The following NPL variants were observed in gnomAD, a reference collection of about 807,000 sequenced individuals.
NPL encodes the protein N-acetylneuraminate lyase.
A neutral mutation model predicts 41.1 loss-of-function variants in NPL; 32 were observed. That is an observed-to-expected ratio of 0.78 (90% CI 0.59 to 1.05). The LOEUF is 1.05. NPL is among the 50% of genes least tolerant of loss of function. NPL has a pLI of 0.00. For synonymous variants in NPL, 128 were observed against 134.9 expected (o/e 0.95, Z 0.35); for missense variants, 321 against 378.4 (o/e 0.85, Z 1.26).
intron 6 of NPL, among the ~76,000 whole-genome samples, chr1:182,813,643 G>A (rs910953389): frequency 1.3e-5 from 2 of 152,220 alleles, no homozygotes; most frequent in African/African-American, 4.8e-5. Context: ...CACCCGAATA[G>A]TATAGAGGTA....
Position 182,829,360 on chromosome 1 carries a change from A to G in NPL, c.*452A>G. 7.9e-7 allele frequency: 1 copy of G among 1,267,536 alleles called. No homozygotes were observed. Among genetic ancestry groups the G allele is most frequent in the Non-Finnish European group, 1.0e-6 (1 of 1,004,482 alleles). The allele number at this position is 1,267,536 out of a possible 1,614,324, so 78.5% of individuals were successfully genotyped here. A position where few individuals can be genotyped will look rare whatever the true frequency, so the allele number is the denominator to read the frequency against. ...GCATTTAGGCAGGCACTTTAATACCAAACTGTAACATGTCTCAACTGTATA... is the reference window on the plus strand; with the variant it reads ...GCATTTAGGCAGGCACTTTAATACCGAACTGTAACATGTCTCAACTGTATA... On this transcript the variant is annotated 3_prime_UTR_variant, in exon 13 of 13. Coordinates refer to ENST00000367553, the MANE Select transcript of NPL (RefSeq NM_030769.3).
intron 6 of NPL, among the ~76,000 whole-genome samples, chr1:182,812,533 G>A (rs1667206681): frequency 6.6e-6 from 1 of 152,170 alleles, no homozygotes; most frequent in South Asian, 2.1e-4. Flanking sequence ...AGAAGGCAGT[G>A]CCATCTGCAG....
chr1:182,822,098 T>C lies in NPL; in HGVS notation c.654-17T>C. ...GTTGAGTTATTGAACCTGCAGTATTTGTTATTGTCTTGCCAGTACCTATAA... is the reference window on the plus strand; with the variant it reads ...GTTGAGTTATTGAACCTGCAGTATTCGTTATTGTCTTGCCAGTACCTATAA... On this transcript the variant is annotated splice_polypyrimidine_tract_variant and intron_variant, in intron 10 of 12. Coordinates refer to ENST00000367553, the MANE Select transcript of NPL (RefSeq NM_030769.3). 2 of 1,552,076 alleles carry C rather than the reference T, an allele frequency of 1.3e-6. No homozygotes were observed. Among genetic ancestry groups the C allele is most frequent in the Non-Finnish European group, 1.8e-6 (2 of 1,123,548 alleles).
At chr1:182,814,896 G>A (rs766785638) in intron 7 of NPL, 38 bp downstream of exon 7, 3 of 1,482,268 alleles carry the variant, frequency 2.0e-6, no homozygotes, top group East Asian at 2.3e-5. Context: ...ATCTCACATG[G>A]TCCACTTCTT....
chr1:182,795,729 G>T (rs1446643369), intron 3 of NPL: 1 of 152,082 alleles, frequency 6.6e-6, no homozygotes, highest in East Asian at 1.9e-4. Context: ...CTTTCCACAA[G>T]TTTTAAGAAA....
rs114638970 is a variant in NPL at position 182,807,418 on chromosome 1, G to C, written c.230+1186G>C. Among the ~76,000 whole-genome samples, 677 of 152,270 alleles carry C rather than the reference G, an allele frequency of 4.4e-3. 10 individuals carry two copies. The highest frequency in any genetic ancestry group is 0.015 in the African/African-American group (640 of 41,550). ...ACCTTGGGAATCCTTAATGGCTTCA[G>C]GGCAGCTCCAGTACTCTGAAATTAT... On this transcript the variant is annotated intron_variant, in intron 5 of 12. Coordinates refer to ENST00000367553, the MANE Select transcript of NPL (RefSeq NM_030769.3).
intron 10 of NPL, among the ~76,000 whole-genome samples, chr1:182,820,882 C>T (rs770672259): frequency 8.5e-5 from 13 of 152,294 alleles, no homozygotes; most frequent in South Asian, 2.1e-4. Flanking sequence ...ACCATATCAC[C>T]ATTAAACCTT....
intron 3 of NPL, among the ~76,000 whole-genome samples, chr1:182,800,140 CA>C (rs1176575742): frequency 6.6e-6 from 1 of 151,944 alleles, no homozygotes; most frequent in Non-Finnish European, 1.5e-5. Flanking sequence ...GGTGGGAAAA[CA>C]AGTGAAGGGA....
intron 5 of NPL, among the ~76,000 whole-genome samples, chr1:182,810,161 A>G (rs533201625): frequency 2.0e-5 from 3 of 152,172 alleles, no homozygotes; most frequent in Non-Finnish European, 4.4e-5. Flanking sequence ...GTGTTATTCA[A>G]GGTCCTTCAG....
Position 182,829,719 on chromosome 1 carries a change from C to T in NPL, c.*811C>T, listed in dbSNP as rs148028376. The T allele has an allele frequency of 2.1e-4, 266 of 1,256,042 alleles. 1 individual carries two copies. The African/African-American group carries it at 2.8e-3, about 13-fold the overall frequency. 77.8% of individuals were successfully genotyped at this position (1,256,042 alleles called of 1,614,324 possible). Reference sequence around the variant, plus strand: ...CCGCAGGACCCTGAATTATTGAAATCGAAGGCTGACTTCCTTTCTGCAGTG... The same window carrying T: ...CCGCAGGACCCTGAATTATTGAAATTGAAGGCTGACTTCCTTTCTGCAGTG... On this transcript the variant is annotated 3_prime_UTR_variant, in exon 13 of 13. Coordinates refer to ENST00000367553, the MANE Select transcript of NPL (RefSeq NM_030769.3).
Position 182,829,642 on chromosome 1 carries a change from T to C in NPL, c.*734T>C. On this transcript the variant is annotated 3_prime_UTR_variant, in exon 13 of 13. Transcript: ENST00000367553. ...AAAGTTTCAAAGAACCAAAGGACTCTTCCTCTGGGCACCACAAACTTCCCC... is the reference window on the plus strand; with the variant it reads ...AAAGTTTCAAAGAACCAAAGGACTCCTCCTCTGGGCACCACAAACTTCCCC... The C allele has an allele frequency of 6.5e-7, 1 of 1,549,936 alleles. No homozygotes were observed. Among genetic ancestry groups the C allele is most frequent in the Non-Finnish European group, 8.7e-7 (1 of 1,146,024 alleles).
intron 4 of NPL, 82 bp downstream of exon 4, chr1:182,803,853 G>T (rs1666926885): frequency 1.0e-6 from 1 of 987,160 alleles, no homozygotes; most frequent in East Asian, 2.4e-5. Context: ...CAGCCAAGAG[G>T]TCACACAGTC....
At chr1:182,826,640 G>A (rs1353294269) in intron 12 of NPL, 1 of 152,258 alleles carries the variant, frequency 6.6e-6, no homozygotes, top group South Asian at 2.1e-4. Flanking sequence ...GCACATTTGT[G>A]TGCTGCCAGT....
At chr1:182,822,773 A>G (rs1490164456) in intron 11 of NPL, among the ~76,000 whole-genome samples, 1 of 152,260 alleles carries the variant, frequency 6.6e-6, no homozygotes, top group Non-Finnish European at 1.5e-5. Flanking sequence ...GGAAGACCCC[A>G]GAGGACATAG....
intron 4 of NPL, 60 bp downstream of exon 4, chr1:182,803,831 T>G: frequency 8.7e-7 from 1 of 1,153,616 alleles, no homozygotes; most frequent in Non-Finnish European, 1.3e-6. Context: ...AAGGTATATC[T>G]TACCTGGTTA....
intron 7 of NPL, among the ~76,000 whole-genome samples, chr1:182,815,246 T>C (rs906541916): frequency 3.3e-5 from 5 of 152,224 alleles, no homozygotes; most frequent in Non-Finnish European, 7.3e-5. Context: ...TATTCAAGGT[T>C]GAGTGAATGA....
In NPL at chr1:182,789,786, G is replaced by C. The variant is rs1021201838; in HGVS notation, c.-91G>C. 1 of 152,984 alleles carries C rather than the reference G, an allele frequency of 6.5e-6. No homozygotes were observed. The highest frequency in any genetic ancestry group is 1.5e-5 in the Non-Finnish European group (1 of 68,684). 9.5% of individuals were successfully genotyped at this position (152,984 alleles called of 1,614,324 possible). On this transcript the variant is annotated 5_prime_UTR_variant, in exon 1 of 13. Coordinates refer to ENST00000367553, the MANE Select transcript of NPL (RefSeq NM_030769.3). ...CGGCTGCCGGGCGGAGCGGCTGCAC[G>C]GACAAGAGCGGAGGCCTGGGTGAGC...
chr1:182,796,468 T>C (rs186259399), intron 3 of NPL, among the ~76,000 whole-genome samples: 32 of 152,312 alleles, frequency 2.1e-4, no homozygotes, highest in Non-Finnish European at 3.8e-4. Flanking sequence ...TGACCTGCCA[T>C]TGTGGGAGTT....
intron 5 of NPL, chr1:182,809,276 C>A (rs1308992402): frequency 6.9e-6 from 3 of 437,760 alleles, no homozygotes; most frequent in Non-Finnish European, 1.4e-5. Context: ...CAGTGGCTCA[C>A]ACCTGTAATC....
Sources: allele counts gnomAD v4.1 joint callset (sites outside exome capture counted in the v4.1 genomes callset), GRCh38; gene constraint gnomAD v4.1.1; transcripts MANE v1.5; gene names NCBI Gene and HGNC (gene_info 2026-07-23, HGNC 2026-07-21).